Variants in BRK1 observed in about 807,000 individuals in gnomAD.
BRK1 encodes protein BRICK1.
A neutral mutation model predicts 9.9 loss-of-function variants in BRK1; 6 were observed. The ratio of observed to expected loss-of-function variants is 0.60; its 90% CI spans 0.33 to 1.19. The LOEUF (loss-of-function observed/expected upper bound fraction) is 1.19. Ranked by LOEUF, BRK1 falls within the 50% of genes most tolerant of loss-of-function variation. The pLI, the probability that BRK1 is intolerant of heterozygous loss-of-function variation, is 0.04. For synonymous variants in BRK1, 44 were observed against 31.9 expected, an observed-to-expected ratio of 1.38 and a Z score of -1.28; for missense variants, 62 against 97.5, an observed-to-expected ratio of 0.64 and a Z score of 1.53.
chr3:10,122,526 T>A (rs1695771427), intron 1 of BRK1, among the ~76,000 whole-genome samples: 1 of 151,068 alleles, frequency 6.6e-6, no homozygotes, highest in African/African-American at 2.5e-5. Context: ...GGCAACAAAG[T>A]GAGACCCCCA....
At chr3:10,123,732 CTTT>C (rs71626962) in intron 1 of BRK1, among the ~76,000 whole-genome samples, 7 of 48,690 alleles carry the variant, frequency 1.4e-4, no homozygotes, top group African/African-American at 1.0e-3. Context: ...CGTGCCTGGC[CTTT>C]TTTTTTTTTT....
intron 1 of BRK1, among the ~76,000 whole-genome samples, chr3:10,124,048 G>A (rs1345662928): frequency 6.6e-6 from 1 of 151,886 alleles, no homozygotes; most frequent in Non-Finnish European, 1.5e-5. Context: ...TTTCTTTCCT[G>A]TTGAGATTAT....
At chr3:10,120,251 G>A (rs1695739961) in intron 1 of BRK1, among the ~76,000 whole-genome samples, 1 of 151,706 alleles carries the variant, frequency 6.6e-6, no homozygotes, top group African/African-American at 2.4e-5. Context: ...CTTGAGTACA[G>A]TGGTGCAATC....
chr3:10,117,763 C>T (rs1159367377), intron 1 of BRK1, among the ~76,000 whole-genome samples: 2 of 152,228 alleles, frequency 1.3e-5, no homozygotes, highest in East Asian at 3.9e-4. Flanking sequence ...AAAGAAATGA[C>T]TTCCCTTAGC....
At chr3:10,123,562 AT>A (rs1217651258) in intron 1 of BRK1, among the ~76,000 whole-genome samples, 1 of 147,384 alleles carries the variant, frequency 6.8e-6, no homozygotes, top group Non-Finnish European at 1.5e-5. Context: ...AGCCTCCCGA[AT>A]AGCTGGAATT....
chr3:10,124,491 C>T (rs1418731484), intron 1 of BRK1, among the ~76,000 whole-genome samples: 2 of 151,980 alleles, frequency 1.3e-5, no homozygotes, highest in Non-Finnish European at 2.9e-5. Context: ...AATTACCACA[C>T]ATTTTGTGGC....
intron 1 of BRK1, among the ~76,000 whole-genome samples, chr3:10,123,595 C>T (rs1346232018): frequency 1.2e-4 from 1 of 8,570 alleles, no homozygotes; most frequent in East Asian, 3.4e-3. Flanking sequence ...CCACCACACC[C>T]GGCTAATTTT....
chr3:10,119,001 TTTTG>T (rs112147329), intron 1 of BRK1, among the ~76,000 whole-genome samples: 7 of 151,868 alleles, frequency 4.6e-5, no homozygotes, highest in African/African-American at 1.2e-4. Flanking sequence ...TAATGGTTTT[TTTTG>T]TTTGTTTGTT....
chr3:10,126,101 AAGAAG>A (rs1276685503), intron 2 of BRK1, among the ~76,000 whole-genome samples, 163 bp from the exon 3 acceptor site: 4 of 152,094 alleles, frequency 2.6e-5, no homozygotes, highest in Admixed American at 1.3e-4. Flanking sequence ...AAAAAAACAA[AAGAAG>A]AGAAAAGTTA....
intron 1 of BRK1, among the ~76,000 whole-genome samples, chr3:10,116,084 G>A (rs1353658525): frequency 6.6e-6 from 1 of 152,162 alleles, no homozygotes; most frequent in East Asian, 1.9e-4. Context: ...TCCTAGACGC[G>A]TCAGGCAGCC....
intron 1 of BRK1, among the ~76,000 whole-genome samples, chr3:10,122,427 C>CT (rs1404571800): frequency 1.3e-5 from 2 of 152,078 alleles, no homozygotes; most frequent in African/African-American, 4.8e-5. Flanking sequence ...AATTCAGAGG[C>CT]TGGCACGGTG....
At chr3:10,124,800 G>A (rs1695814370) in intron 1 of BRK1, among the ~76,000 whole-genome samples, 1 of 152,188 alleles carries the variant, frequency 6.6e-6, no homozygotes, top group Non-Finnish European at 1.5e-5. Context: ...GCTGTGAGCT[G>A]AGAGTTGTTC....
intron 1 of BRK1, among the ~76,000 whole-genome samples, chr3:10,118,828 A>C (rs1479080345): frequency 6.6e-6 from 1 of 151,812 alleles, no homozygotes; most frequent in African/African-American, 2.4e-5. Flanking sequence ...CAGTATGCCT[A>C]CCTCTCCTGC....
At chr3:10,125,599 T>A in intron 1 of BRK1, 27 bp from the exon 2 acceptor site, 1 of 1,492,914 alleles carries the variant, frequency 6.7e-7, no homozygotes. Context: ...GTGACATTAA[T>A]CCTGAACACC....
chr3:10,123,148 C>G (rs1206058452), intron 1 of BRK1, among the ~76,000 whole-genome samples: 1 of 152,114 alleles, frequency 6.6e-6, no homozygotes, highest in Non-Finnish European at 1.5e-5. Flanking sequence ...AAGAATAGTT[C>G]CTGTTACAGA....
intron 2 of BRK1, 53 bp from the exon 3 acceptor site, chr3:10,126,216 C>T: frequency 2.3e-6 from 3 of 1,309,108 alleles, no homozygotes; most frequent in Non-Finnish European, 3.1e-6. Flanking sequence ...TTTTTTAGAC[C>T]CCTCTAATCT....
chr3:10,124,765 G>T (rs565412817), intron 1 of BRK1, among the ~76,000 whole-genome samples: 1 of 152,132 alleles, frequency 6.6e-6, no homozygotes, highest in Non-Finnish European at 1.5e-5. Context: ...GTGGTTGTAG[G>T]ACTGAGATCT....
At chr3:10,118,117 G>A (rs1391382334) in intron 1 of BRK1, among the ~76,000 whole-genome samples, 1 of 152,048 alleles carries the variant, frequency 6.6e-6, no homozygotes, top group Non-Finnish European at 1.5e-5. Context: ...GCTGGGCATG[G>A]TGTTGCACAC....
intron 1 of BRK1, among the ~76,000 whole-genome samples, chr3:10,124,582 T>G (rs917612408): frequency 1.3e-5 from 2 of 152,158 alleles, no homozygotes; most frequent in Non-Finnish European, 2.9e-5. Context: ...CTTCACACCT[T>G]GGCCAGCAGT....
Sources: allele counts gnomAD v4.1 joint callset (sites outside exome capture counted in the v4.1 genomes callset), GRCh38; gene constraint gnomAD v4.1.1; transcripts MANE v1.5; gene names NCBI Gene and HGNC (gene_info 2026-07-23, HGNC 2026-07-21).